Variants in SUSD4 observed in about 807,000 individuals in gnomAD.
SUSD4 encodes sushi domain-containing protein 4.
Under a neutral mutation model 50.5 loss-of-function variants are expected in SUSD4, and 41 were observed. The observed-to-expected ratio is 0.81, with a 90% CI of 0.63 to 1.05. The LOEUF is 1.05. Ranked by LOEUF, SUSD4 falls within the 50% of genes least tolerant of loss-of-function variation. The pLI is 0.00. For missense variants in SUSD4, 580 were observed against 634.7 expected (o/e 0.91, Z 0.93); for synonymous variants, 257 against 257.3 (o/e 1.00, Z 0.01).
At chr1:223,307,985 T>A (rs1386426209) in intron 2 of SUSD4, among the ~76,000 whole-genome samples, 1 of 152,244 alleles carries the variant, frequency 6.6e-6, no homozygotes, top group African/African-American at 2.4e-5. Context: ...GATCAGTTAT[T>A]CGGATTTGTG....
intron 3 of SUSD4, among the ~76,000 whole-genome samples, chr1:223,288,290 T>C (rs1348569655): frequency 1.3e-5 from 2 of 152,208 alleles, no homozygotes; most frequent in Non-Finnish European, 2.9e-5. Context: ...CCTGCCACCA[T>C]GTATGCCGTA....
chr1:223,255,582 AG>A (rs1349204234), intron 5 of SUSD4, among the ~76,000 whole-genome samples: 1 of 152,158 alleles, frequency 6.6e-6, no homozygotes, highest in African/African-American at 2.4e-5. Context: ...GGGGCTTCCC[AG>A]GGAACTCCCA....
chr1:223,350,381 T>A (rs1211446692), intron 2 of SUSD4, among the ~76,000 whole-genome samples: 1 of 152,158 alleles, frequency 6.6e-6, no homozygotes, highest in Non-Finnish European at 1.5e-5. Flanking sequence ...AAAGACTTCC[T>A]CCCTTTCCCA....
chr1:223,257,503 C>A (rs1037800821), intron 5 of SUSD4, among the ~76,000 whole-genome samples: 1 of 152,204 alleles, frequency 6.6e-6, no homozygotes, highest in African/African-American at 2.4e-5. Flanking sequence ...TGTGGCCAAG[C>A]CTGCTACTCT....
chr1:223,231,421 C>A lies in SUSD4; in HGVS notation c.725-2033G>T, dbSNP rs1015587185. Reference sequence around the variant, plus strand: ...GCTGTGAGCATCCCACAGGTGGACACTGGCAGAGACAGGCTTTGAGCTCTG... The same window carrying A: ...GCTGTGAGCATCCCACAGGTGGACAATGGCAGAGACAGGCTTTGAGCTCTG... On this transcript the variant is annotated intron_variant, in intron 5 of 8. Coordinates refer to ENST00000366878, the MANE Select transcript of SUSD4 (RefSeq NM_017982.4). The surrounding 1 kb of genome is among the most constrained non-coding windows in gnomAD (Gnocchi z 4.2). Among the ~76,000 whole-genome samples, 4 of 152,156 alleles carry A rather than the reference C, an allele frequency of 2.6e-5. No homozygotes were observed. Among genetic ancestry groups the A allele is most frequent in the African/African-American group, 9.7e-5 (4 of 41,418 alleles).
At chr1:223,261,707 T>C (rs1316909815) in intron 5 of SUSD4, among the ~76,000 whole-genome samples, 1 of 152,226 alleles carries the variant, frequency 6.6e-6, no homozygotes, top group Non-Finnish European at 1.5e-5. Context: ...CAAAATTGTG[T>C]CACAGTGTAC....
intron 2 of SUSD4, among the ~76,000 whole-genome samples, chr1:223,314,049 G>A (rs1666035375): frequency 6.6e-6 from 1 of 152,122 alleles, no homozygotes; most frequent in South Asian, 2.1e-4. Flanking sequence ...CTATGGAGTA[G>A]CCATTCTTTA....
At chr1:223,296,504 T>C (rs1222664395) in intron 2 of SUSD4, among the ~76,000 whole-genome samples, 2 of 152,092 alleles carry the variant, frequency 1.3e-5, no homozygotes, top group Non-Finnish European at 2.9e-5. Flanking sequence ...GTGCTGTGCA[T>C]CCATGTATAG....
intron 5 of SUSD4, among the ~76,000 whole-genome samples, chr1:223,238,241 CTTAG>C (rs1403455894): frequency 1.3e-5 from 2 of 151,982 alleles, no homozygotes; most frequent in South Asian, 2.1e-4. Flanking sequence ...TCTCTTTTTG[CTTAG>C]TTAGCCTGGT....
rs942898914 is a variant in SUSD4 at position 223,353,986 on chromosome 1, G to C, written c.148+9292C>G. Among the ~76,000 whole-genome samples the C allele has an allele frequency of 2.6e-5, 4 of 151,848 alleles. No homozygotes were observed. In the South Asian group the frequency reaches 6.3e-4, roughly 24 times the overall value. Reference sequence around the variant, plus strand: ...GCAGAAGCTGCAGCGAGCCGAGATCGTGGCACTGCACTCCAGCCTGGGCAA... The same window carrying C: ...GCAGAAGCTGCAGCGAGCCGAGATCCTGGCACTGCACTCCAGCCTGGGCAA... On this transcript the variant is annotated intron_variant, in intron 2 of 8. Coordinates refer to ENST00000366878, the MANE Select transcript of SUSD4 (RefSeq NM_017982.4).
intron 2 of SUSD4, among the ~76,000 whole-genome samples, chr1:223,352,604 G>A (rs1347456001): frequency 6.6e-6 from 1 of 152,138 alleles, no homozygotes; most frequent in Non-Finnish European, 1.5e-5. Context: ...TCTGAGGCTG[G>A]ACTGCAGAGG....
At chr1:223,281,200 A>T (rs1382655370) in intron 3 of SUSD4, among the ~76,000 whole-genome samples, 1 of 152,224 alleles carries the variant, frequency 6.6e-6, no homozygotes, top group Admixed American at 6.5e-5. Context: ...GAGCAAACAC[A>T]TTCAAAAGCT....
intron 2 of SUSD4, among the ~76,000 whole-genome samples, chr1:223,296,511 A>T (rs1164220806): frequency 2.0e-5 from 3 of 152,196 alleles, no homozygotes; most frequent in African/African-American, 7.2e-5. Context: ...GCATCCATGT[A>T]TAGGCAGCAG....
intron 2 of SUSD4, among the ~76,000 whole-genome samples, chr1:223,356,954 AAG>A (rs1183280485): frequency 3.3e-5 from 5 of 152,348 alleles, no homozygotes; most frequent in Admixed American, 6.5e-5. Flanking sequence ...TTACATGAAA[AAG>A]AACCACTCTT....
chr1:223,351,487 T>A (rs1328324516), intron 2 of SUSD4, among the ~76,000 whole-genome samples: 1 of 152,108 alleles, frequency 6.6e-6, no homozygotes, highest in African/African-American at 2.4e-5. Flanking sequence ...ATGATTCTAG[T>A]GCTCTGGGAG....
chr1:223,236,285 A>G (rs975541773), intron 5 of SUSD4, among the ~76,000 whole-genome samples: 7 of 152,196 alleles, frequency 4.6e-5, no homozygotes, highest in Non-Finnish European at 2.9e-5. Context: ...AATATTTTCT[A>G]CAAGTGTGTG....
intron 2 of SUSD4, among the ~76,000 whole-genome samples, chr1:223,360,969 T>C (rs183786289): frequency 6.6e-6 from 1 of 152,288 alleles, no homozygotes; most frequent in Admixed American, 6.5e-5. Flanking sequence ...AGGAATGCCT[T>C]GGTCTCAAGC....
chr1:223,310,439 T>A (rs1435602909), intron 2 of SUSD4, among the ~76,000 whole-genome samples: 2 of 152,188 alleles, frequency 1.3e-5, no homozygotes, highest in South Asian at 2.1e-4. Flanking sequence ...ATTGAAACTA[T>A]GTTTTTGAAG....
intron 4 of SUSD4, among the ~76,000 whole-genome samples, chr1:223,265,115 G>C (rs1206443217): frequency 1.3e-5 from 2 of 152,214 alleles, no homozygotes. Context: ...CACGTGTTCT[G>C]GCTCTGACTG....
Sources: gnomAD v4.1 joint callset for allele counts (sites outside exome capture counted in the v4.1 genomes callset) on GRCh38, gnomAD v4.1.1 for gene constraint, Gnocchi (gnomAD v3.1) non-coding constraint, MANE v1.5 for transcripts, NCBI Gene and HGNC (gene_info 2026-07-23, HGNC 2026-07-21) for gene names.